The following CSMD1 variants were observed in gnomAD, a reference collection of about 807,000 sequenced individuals.
CSMD1 encodes the protein CUB and sushi domain-containing protein 1.
CSMD1 carries 213 observed loss-of-function variants against 417.5 expected under a neutral mutation model. The observed-to-expected ratio is 0.51, with a 90% CI of 0.46 to 0.57. CSMD1 has a LOEUF of 0.57. CSMD1 is among the 20% of genes least tolerant of loss of function. CSMD1 has a pLI of 0.00. For synonymous variants in CSMD1, 2,862 were observed against 1,736.8 expected, an observed-to-expected ratio of 1.65 and a Z score of -16.11; for missense variants, 6,923 against 4,529.7, an observed-to-expected ratio of 1.53 and a Z score of -15.17.
chr8:4,114,680 T>C (rs1377034385), intron 3 of CSMD1, among the ~76,000 whole-genome samples: 1 of 152,204 alleles, frequency 6.6e-6, no homozygotes, highest in Non-Finnish European at 1.5e-5. Context: ...AAATTGTGCT[T>C]CATGGGAGGA....
intron 11 of CSMD1, chr8:3,469,214 A>G (rs1422522424): frequency 6.3e-6 from 1 of 159,208 alleles, no homozygotes; most frequent in African/African-American, 2.4e-5. Flanking sequence ...CAGTTGCTGT[A>G]GGATTGCACA....
intron 5 of CSMD1, among the ~76,000 whole-genome samples, chr8:3,890,914 C>G (rs1806929085): frequency 6.6e-6 from 1 of 152,108 alleles, no homozygotes; most frequent in Non-Finnish European, 1.5e-5. Flanking sequence ...TCTCATAGGA[C>G]TATGTGCTAG....
At chr8:4,244,546 T>A (rs1802586926) in intron 3 of CSMD1, among the ~76,000 whole-genome samples, 1 of 152,166 alleles carries the variant, frequency 6.6e-6, no homozygotes, top group South Asian at 2.1e-4. Context: ...TCTTTTTTCT[T>A]ATCAGGTTTA....
chr8:3,266,146 G>C (rs932144348), intron 26 of CSMD1, among the ~76,000 whole-genome samples: 6 of 151,124 alleles, frequency 4.0e-5, no homozygotes, highest in African/African-American at 1.5e-4. Context: ...CTGATGTCCT[G>C]AGACCAACCC....
At chr8:4,950,768 C>T (rs1253954664) in intron 1 of CSMD1, among the ~76,000 whole-genome samples, 3 of 152,170 alleles carry the variant, frequency 2.0e-5, no homozygotes, top group South Asian at 4.2e-4. Flanking sequence ...TAAGTGGCAG[C>T]ACGCTAAGTC....
At chr8:3,524,348 CAGAA>C (rs374529209) in intron 10 of CSMD1, among the ~76,000 whole-genome samples, 1 of 151,538 alleles carries the variant, frequency 6.6e-6, no homozygotes, top group Non-Finnish European at 1.5e-5. Context: ...CATGCACACC[CAGAA>C]AGACAGGCGC....
chr8:3,343,504 T>G, intron 22 of CSMD1, 54 bp from the exon 23 acceptor site: 1 of 1,494,218 alleles, frequency 6.7e-7, no homozygotes, highest in Non-Finnish European at 9.2e-7. Context: ...ATTCTTATGT[T>G]AGCAATGGTA....
chr8:4,880,431 G>A (rs1252522681), intron 1 of CSMD1, among the ~76,000 whole-genome samples: 6 of 152,094 alleles, frequency 3.9e-5, no homozygotes, highest in African/African-American at 1.5e-4. Flanking sequence ...CCTTACAGAT[G>A]TATGATGACT....
chr8:4,568,973 T>C (rs1020502210), intron 2 of CSMD1, among the ~76,000 whole-genome samples: 1 of 152,214 alleles, frequency 6.6e-6, no homozygotes, highest in Admixed American at 6.5e-5. Flanking sequence ...GGTTTTTTCT[T>C]GTAAATTTGT....
chr8:4,289,539 A>G (rs1797244926), intron 3 of CSMD1, among the ~76,000 whole-genome samples: 1 of 152,168 alleles, frequency 6.6e-6, no homozygotes, highest in South Asian at 2.1e-4. Flanking sequence ...ACACTTTCAG[A>G]TCTGACACGT....
At position 3,738,756 on chromosome 8, in the gene CSMD1, C is replaced by G. The variant is rs79357633; in HGVS notation, c.931+15174G>C. Among the ~76,000 whole-genome samples the G allele has an allele frequency of 2.6e-5, 4 of 152,264 alleles. No individual in the cohort carries two copies. The East Asian group carries it at 7.7e-4, about 29-fold the overall frequency. On this transcript the variant is annotated intron_variant, in intron 6 of 69. Transcript: ENST00000635120. ...AATTTCAAAGACAAATTCAGAGTAA[C>G]GTAAAATAAAACAACCTCCGTCAAC...
chr8:3,240,908 G>A (rs1053498161), intron 26 of CSMD1, among the ~76,000 whole-genome samples: 2 of 152,112 alleles, frequency 1.3e-5, no homozygotes, highest in African/African-American at 2.4e-5. Context: ...TGCTGTAGCA[G>A]GCAAGTGATA....
chr8:4,649,200 G>T (rs1260056880), intron 1 of CSMD1, among the ~76,000 whole-genome samples: 1 of 152,154 alleles, frequency 6.6e-6, no homozygotes, highest in African/African-American at 2.4e-5. Context: ...TCTACTGACT[G>T]CTATATTCCA....
chr8:3,849,207 G>C (rs1012078289), intron 5 of CSMD1, among the ~76,000 whole-genome samples: 1 of 152,130 alleles, frequency 6.6e-6, no homozygotes, highest in African/African-American at 2.4e-5. Flanking sequence ...CCTGGGAATG[G>C]TTGATGAGAA....
chr8:3,056,534 A>AT (rs751035969), intron 49 of CSMD1, among the ~76,000 whole-genome samples: 2 of 151,726 alleles, frequency 1.3e-5, no homozygotes, highest in African/African-American at 4.8e-5. Flanking sequence ...ACGCCTGGCT[A>AT]TTTTTTGTAT....
At chr8:4,926,040 C>A (rs1006741796) in intron 1 of CSMD1, among the ~76,000 whole-genome samples, 1 of 152,064 alleles carries the variant, frequency 6.6e-6, no homozygotes, top group African/African-American at 2.4e-5. Context: ...ATAAACCAAC[C>A]TAAATAAACA....
intron 5 of CSMD1, among the ~76,000 whole-genome samples, chr8:3,937,904 G>C (rs563969240): frequency 6.6e-6 from 1 of 152,054 alleles, no homozygotes; most frequent in African/African-American, 2.4e-5. Flanking sequence ...GATTTAAAGA[G>C]TTATAAAACT....
intron 7 of CSMD1, among the ~76,000 whole-genome samples, chr8:3,659,747 C>T (rs1798315570): frequency 6.6e-6 from 1 of 152,104 alleles, no homozygotes. Context: ...CCCCAACACC[C>T]CTATGAAAAA....
intron 5 of CSMD1, among the ~76,000 whole-genome samples, chr8:3,981,967 T>A (rs948575440): frequency 6.6e-6 from 1 of 151,824 alleles, no homozygotes; most frequent in East Asian, 1.9e-4. Context: ...TTCAGGAGAT[T>A]GAGACCATCC....
Sources: allele counts gnomAD v4.1 joint callset (sites outside exome capture counted in the v4.1 genomes callset), GRCh38; gene constraint gnomAD v4.1.1; transcripts MANE v1.5; gene names NCBI Gene and HGNC (gene_info 2026-07-23, HGNC 2026-07-21).